Variants in TAF13 observed in about 807,000 individuals in gnomAD.
TAF13 encodes the protein transcription initiation factor TFIID subunit 13.
TAF13 carries 9 observed loss-of-function variants against 18.7 expected under a neutral mutation model. That is an observed-to-expected ratio of 0.48 (90% CI 0.29 to 0.84). The LOEUF is 0.84. TAF13 is among the 40% of genes least tolerant of loss of function. TAF13 has a pLI of 0.08. For missense variants in TAF13, 105 were observed against 146.5 expected, an observed-to-expected ratio of 0.72 and a Z score of 1.46; for synonymous variants, 49 against 44.1, an observed-to-expected ratio of 1.11 and a Z score of -0.44.
intron 2 of TAF13, among the ~76,000 whole-genome samples, chr1:109,074,194 G>GAA (rs1436458963): frequency 2.6e-5 from 4 of 152,222 alleles, no homozygotes; most frequent in African/African-American, 9.6e-5. Context: ...TGTGTAGAAA[G>GAA]AAGTAGACAT....
At chr1:109,073,112 T>C (rs1480419610) in intron 2 of TAF13, among the ~76,000 whole-genome samples, 1 of 152,032 alleles carries the variant, frequency 6.6e-6, no homozygotes, top group Non-Finnish European at 1.5e-5. Context: ...CCTCAACACC[T>C]GTTGCAGGAT....
chr1:109,074,249 T>C (rs1664139467), intron 2 of TAF13, among the ~76,000 whole-genome samples: 1 of 152,228 alleles, frequency 6.6e-6, no homozygotes, highest in Non-Finnish European at 1.5e-5. Flanking sequence ...TCTTCTGCCT[T>C]GGGATGCTAT....
At chr1:109,072,001 TATATATATATATACACACAC>T (rs1664072004) in intron 2 of TAF13, among the ~76,000 whole-genome samples, 4 of 2,480 alleles carry the variant, frequency 1.6e-3, no homozygotes, top group East Asian at 0.021. Flanking sequence ...TATATATATA[TATATATATATATACACACAC>T]ATATATATAT....
chr1:109,072,083 C>T (rs1480860244), intron 2 of TAF13, among the ~76,000 whole-genome samples: 8 of 5,062 alleles, frequency 1.6e-3, no homozygotes, highest in Admixed American at 4.7e-3. Flanking sequence ...TATACACACA[C>T]ATATATATAT....
chr1:109,074,533 G>A (rs1052014070), intron 2 of TAF13, among the ~76,000 whole-genome samples: 9 of 151,930 alleles, frequency 5.9e-5, no homozygotes, highest in South Asian at 2.1e-4. Flanking sequence ...CTATGACCCC[G>A]CCAAATACCC....
chr1:109,073,332 G>A (rs538624457), intron 2 of TAF13, among the ~76,000 whole-genome samples: 48 of 152,070 alleles, frequency 3.2e-4, no homozygotes, highest in African/African-American at 1.1e-3. Flanking sequence ...AAGGTCAGGA[G>A]ATCGAGATCA....
Position 109,064,424 on chromosome 1 carries a change from T to G in TAF13, c.*99A>C. 1 of 1,142,802 alleles carries G rather than the reference T, an allele frequency of 8.8e-7. No homozygotes were observed. Among genetic ancestry groups the G allele is most frequent in the Non-Finnish European group, 1.2e-6 (1 of 868,250 alleles). The allele number at this position is 1,142,802 out of a possible 1,614,324, so 70.8% of individuals were successfully genotyped here. ...CTGAAAACTTTGTGTTTCTCCATCT[T>G]TCATTTACATGGCTAGATATCAGAA... On this transcript the variant is annotated 3_prime_UTR_variant, in exon 4 of 4. Transcript: ENST00000338366.
At chr1:109,066,077 G>C in intron 3 of TAF13, 58 bp downstream of exon 3, 1 of 1,452,084 alleles carries the variant, frequency 6.9e-7, no homozygotes, top group Non-Finnish European at 9.5e-7. Flanking sequence ...CTTACCTAAA[G>C]TTTAATATTT....
intron 2 of TAF13, among the ~76,000 whole-genome samples, chr1:109,067,452 A>C (rs1392527954): frequency 2.0e-5 from 3 of 150,068 alleles, no homozygotes; most frequent in Non-Finnish European, 4.4e-5. Flanking sequence ...AAAAAAAAAA[A>C]CACAAAAGTC....
At chr1:109,070,314 G>A (rs976858772) in intron 2 of TAF13, among the ~76,000 whole-genome samples, 25 of 152,214 alleles carry the variant, frequency 1.6e-4, no homozygotes, top group African/African-American at 5.3e-4. Flanking sequence ...TGCCTCCCGG[G>A]TTCAAGCGAT....
chr1:109,066,519 C>T (rs555154288), intron 2 of TAF13, among the ~76,000 whole-genome samples: 1 of 152,272 alleles, frequency 6.6e-6, no homozygotes, highest in Admixed American at 6.5e-5. Flanking sequence ...TTACCAGTCC[C>T]TGCCCCCAGC....
intron 2 of TAF13, among the ~76,000 whole-genome samples, chr1:109,074,181 G>C (rs1664137962): frequency 6.6e-6 from 1 of 152,228 alleles, no homozygotes; most frequent in Non-Finnish European, 1.5e-5. Context: ...TTGTTACTGT[G>C]TCTGTGTAGA....
At chr1:109,075,845 A>G in intron 1 of TAF13, 76 bp downstream of exon 1, 1 of 1,599,484 alleles carries the variant, frequency 6.3e-7, no homozygotes, top group South Asian at 1.1e-5. Flanking sequence ...AGCAGACCCG[A>G]TCCTGAACTC....
intron 2 of TAF13, among the ~76,000 whole-genome samples, chr1:109,067,503 G>A (rs553581710): frequency 6.6e-6 from 1 of 151,784 alleles, no homozygotes. Flanking sequence ...CCAGCTACTC[G>A]GGAGGCTGAG....
chr1:109,068,131 G>A lies in TAF13; in HGVS notation c.107-1899C>T, dbSNP rs927558240. Among the ~76,000 whole-genome samples, 8 of 152,104 alleles carry A rather than the reference G, an allele frequency of 5.3e-5. No individual in the cohort carries two copies. The East Asian group carries it at 1.5e-3, about 29-fold the overall frequency. ...CTACAGACACATGCCACTATGCCTG[G>A]CTAATATGTGGGGTTTTTTTTGAAA... On this transcript the variant is annotated intron_variant, in intron 2 of 3. Transcript: ENST00000338366.
Position 109,064,339 on chromosome 1 carries a change from T to A in TAF13, c.*184A>T. ...AGTAAGTAATTCAAGTATGGTAATA[T>A]AAAGGCAGGCAATTACATGCACCAA... On this transcript the variant is annotated 3_prime_UTR_variant, in exon 4 of 4. Coordinates refer to ENST00000338366, the MANE Select transcript of TAF13 (RefSeq NM_005645.4). 1 of 436,154 alleles carries A rather than the reference T, an allele frequency of 2.3e-6. No homozygotes were observed. The highest frequency in any genetic ancestry group is 6.6e-5 in the South Asian group (1 of 15,058). 27.0% of individuals were successfully genotyped at this position (436,154 alleles called of 1,614,324 possible).
At chr1:109,068,464 TCTTGCTATG>T (rs1396167877) in intron 2 of TAF13, among the ~76,000 whole-genome samples, 1 of 151,952 alleles carries the variant, frequency 6.6e-6, no homozygotes, top group Non-Finnish European at 1.5e-5. Context: ...GAGACAGGGG[TCTTGCTATG>T]TTGCCTAGGC....
chr1:109,072,632 A>G (rs940978692), intron 2 of TAF13, among the ~76,000 whole-genome samples: 2 of 151,736 alleles, frequency 1.3e-5, no homozygotes, highest in African/African-American at 4.8e-5. Context: ...TTTTGTAGAG[A>G]GAGGGTTTCA....
chr1:109,073,597 C>A (rs1664118168), intron 2 of TAF13, among the ~76,000 whole-genome samples: 1 of 152,184 alleles, frequency 6.6e-6, no homozygotes, highest in African/African-American at 2.4e-5. Flanking sequence ...CCGCTCCTGA[C>A]CTCGAGTGAT....
Sources: gnomAD v4.1 joint callset for allele counts (sites outside exome capture counted in the v4.1 genomes callset) on GRCh38, gnomAD v4.1.1 for gene constraint, MANE v1.5 for transcripts, NCBI Gene and HGNC (gene_info 2026-07-23, HGNC 2026-07-21) for gene names.